The following DTL variants were observed in gnomAD, a reference collection of about 807,000 sequenced individuals.
DTL encodes denticleless protein homolog.
In DTL, 46 loss-of-function variants were observed where a neutral mutation model predicts 87.0. The observed-to-expected ratio is 0.53, with a 90% confidence interval of 0.42 to 0.68. The LOEUF (loss-of-function observed/expected upper bound fraction) is 0.68. Among genes scored for constraint, DTL ranks in the 30% least tolerant of loss-of-function variants. The probability of loss-of-function intolerance (pLI) is 0.00; values close to 1 mark genes in which losing one functional copy is unlikely to be tolerated. For synonymous variants in DTL, 308 were observed against 311.2 expected, an observed-to-expected ratio of 0.99 and a Z score of 0.11; for missense variants, 737 against 869.4, an observed-to-expected ratio of 0.85 and a Z score of 1.91.
intron 14 of DTL, among the ~76,000 whole-genome samples, chr1:212,101,893 G>C (rs1232805829): frequency 6.6e-6 from 1 of 152,228 alleles, no homozygotes; most frequent in African/African-American, 2.4e-5. Context: ...ATGGGCACCA[G>C]TCAGAGAGAA....
chr1:212,056,084 A>G (rs1668166414), intron 5 of DTL, among the ~76,000 whole-genome samples: 2 of 152,158 alleles, frequency 1.3e-5, no homozygotes, highest in African/African-American at 4.8e-5. Flanking sequence ...TGCTACTGTC[A>G]TCATCCACAC....
chr1:212,065,263 T>C lies in DTL; in HGVS notation c.639+234T>C, dbSNP rs1483939974. The stretch of plus-strand genomic sequence containing the variant: ...ATTAAAATATATGTAGCCTCGTTGA[T>C]AAATATCTTTAAATTTATTTTGGTT... On this transcript the variant is annotated intron_variant, in intron 7 of 14. Coordinates refer to ENST00000366991, the MANE Select transcript of DTL (RefSeq NM_016448.4). Among the ~76,000 whole-genome samples, 4 of 152,230 alleles carry C rather than the reference T, an allele frequency of 2.6e-5. 1 individual carries two copies. The highest frequency in any genetic ancestry group is 2.6e-4 in the Admixed American group (4 of 15,276).
chr1:212,037,137 C>A (rs1667499358), intron 1 of DTL, among the ~76,000 whole-genome samples: 1 of 152,124 alleles, frequency 6.6e-6, no homozygotes, highest in Non-Finnish European at 1.5e-5. Flanking sequence ...AGTTAAACTG[C>A]CTGGGTTTTA....
In DTL at chr1:212,043,001, T is replaced by G. The variant is rs1667701540; in HGVS notation, c.61T>G (p.Ser21Ala). Reference sequence around the variant, plus strand: ...GAATTATCTTGTTTTAGGATGGTCTTCACAATACCCTCTTCAATCCCTTCT... The same window carrying G: ...GAATTATCTTGTTTTAGGATGGTCTGCACAATACCCTCTTCAATCCCTTCT... Reference protein sequence around the residue: ...QLGVLRNGWSSQYPLQSLLTG... With the variant: ...QLGVLRNGWSAQYPLQSLLTG... The change falls in exon 2 of 15, where the codon TCA becomes GCA. Residue 21 changes from serine to alanine, a missense_variant. Ser to Ala is a moderately conservative substitution (Grantham distance 99, BLOSUM62 1). Coordinates refer to ENST00000366991, the MANE Select transcript of DTL (RefSeq NM_016448.4). 1 of 1,607,032 alleles carries G rather than the reference T, an allele frequency of 6.2e-7. No individual in the cohort carries two copies. Among genetic ancestry groups the G allele is most frequent in the African/African-American group, 1.3e-5 (1 of 74,744 alleles).
At chr1:212,094,616 T>C (rs991655463) in intron 13 of DTL, among the ~76,000 whole-genome samples, 12 of 152,208 alleles carry the variant, frequency 7.9e-5, no homozygotes, top group African/African-American at 2.9e-4. Context: ...CTTTTCAGAT[T>C]GTTTTTTCTA....
At position 212,103,033 on chromosome 1, in the gene DTL, T is replaced by TATAAC; in HGVS notation, c.*94_*98dup. The TATAAC allele has an allele frequency of 1.5e-6, 1 of 664,232 alleles. No individual in the cohort carries two copies. The allele number at this position is 664,232 out of a possible 1,614,324, so 41.1% of individuals were successfully genotyped here. On this transcript the variant is annotated 3_prime_UTR_variant, in exon 15 of 15. Coordinates refer to ENST00000366991, the MANE Select transcript of DTL (RefSeq NM_016448.4). ...AAGATGAAAAATACAAGAGTGACTCTATAACTCTGGTCTTTAAGAAAGCTG... is the reference window on the plus strand; with the variant it reads ...AAGATGAAAAATACAAGAGTGACTCTATAACATAACTCTGGTCTTTAAGAAAGCTG...
At position 212,055,361 on chromosome 1, in the gene DTL, C is replaced by T. The variant is rs182084736; in HGVS notation, c.461-7523C>T. On this transcript the variant is annotated intron_variant, in intron 5 of 14. Transcript: ENST00000366991. ...AACATAGGGAGCTGCCTGGAGACTT[C>T]ATGAAGGCATTGCTCCAGAGAGATA... 4.0e-3 allele frequency among the ~76,000 whole-genome samples: 613 copies of T among 152,238 alleles called. 13 individuals are homozygous for T. The highest frequency in any genetic ancestry group is 0.035 in the Admixed American group (536 of 15,298).
chr1:212,102,860 T>A lies in DTL; in HGVS notation c.2113T>A (p.Ser705Thr). The change falls in exon 15 of 15, where the codon TCC (serine) becomes ACC (threonine). Residue 705 changes from serine (S) to threonine (T), a missense_variant. Ser to Thr is a moderately conservative substitution (Grantham distance 58, BLOSUM62 1). Coordinates refer to ENST00000366991, the MANE Select transcript of DTL (RefSeq NM_016448.4). Reference sequence around the variant, plus strand: ...CTTCTAGGTCACCATCACGCCCAGCTCCATGAGGAAAATCTGCACATACTT... The same window carrying A: ...CTTCTAGGTCACCATCACGCCCAGCACCATGAGGAAAATCTGCACATACTT... ...LPSPVTITPS[S>T]MRKICTYFHR... 6.2e-7 allele frequency: 1 copy of A among 1,612,170 alleles called. No individual in the cohort carries two copies.
At chr1:212,096,950 C>T (rs1041032538) in intron 13 of DTL, among the ~76,000 whole-genome samples, 1 of 152,072 alleles carries the variant, frequency 6.6e-6, no homozygotes, top group African/African-American at 2.4e-5. Flanking sequence ...TTGAAGTCCC[C>T]CACTATGAGA....
intron 5 of DTL, among the ~76,000 whole-genome samples, chr1:212,058,958 A>G (rs982026029): frequency 6.6e-6 from 1 of 152,216 alleles, no homozygotes; most frequent in African/African-American, 2.4e-5. Context: ...TACAGGACAC[A>G]TGCAACCTAC....
intron 12 of DTL, 200 bp from the exon 13 acceptor site, chr1:212,080,415 G>A (rs1422697343): frequency 2.1e-6 from 1 of 483,190 alleles, no homozygotes; most frequent in African/African-American, 1.9e-5. Flanking sequence ...ATAAACTAAA[G>A]AGTCAGCTTT....
intron 1 of DTL, among the ~76,000 whole-genome samples, chr1:212,037,310 G>C (rs1667507870): frequency 6.6e-6 from 1 of 152,024 alleles, no homozygotes; most frequent in Non-Finnish European, 1.5e-5. Flanking sequence ...AAATTCATTC[G>C]TTATTATATG....
At position 212,100,855 on chromosome 1, in the gene DTL, C is replaced by G. The variant is rs550425709; in HGVS notation, c.1865C>G (p.Pro622Arg). 1 of 1,614,056 alleles carries G rather than the reference C, an allele frequency of 6.2e-7. No homozygotes were observed. Among genetic ancestry groups the G allele is most frequent in the African/African-American group, 1.3e-5 (1 of 74,916 alleles). Residue 622 changes from proline (P) to arginine (R), a missense_variant, in exon 14 of 15, where the codon CCG becomes CGG. Coordinates refer to ENST00000366991, the MANE Select transcript of DTL (RefSeq NM_016448.4). ...GCTGGTACCAGTATCTCAGAGCCTC[C>G]GTCTCCTATCAGTCCGTATGCTTCA... Reference protein sequence around the residue: ...EGAGTSISEPPSPISPYASES... With the variant: ...EGAGTSISEPRSPISPYASES...
intron 12 of DTL, among the ~76,000 whole-genome samples, chr1:212,079,761 A>C (rs577669617): frequency 1.3e-5 from 2 of 152,338 alleles, no homozygotes; most frequent in South Asian, 4.1e-4. Flanking sequence ...CAAACATTTC[A>C]TATTGAACAG....
At chr1:212,101,454 C>T (rs1355525740) in intron 14 of DTL, among the ~76,000 whole-genome samples, 2 of 152,154 alleles carry the variant, frequency 1.3e-5, no homozygotes, top group Admixed American at 1.3e-4. Flanking sequence ...AATATCTCCC[C>T]TCTCCTGTTA....
intron 14 of DTL, among the ~76,000 whole-genome samples, chr1:212,102,542 A>G (rs1295965415): frequency 6.6e-6 from 1 of 152,174 alleles, no homozygotes; most frequent in African/African-American, 2.4e-5. Context: ...TGATTTATTC[A>G]TTTATTTCAA....
chr1:212,063,948 A>G (rs1355992699), intron 6 of DTL, among the ~76,000 whole-genome samples: 3 of 147,862 alleles, frequency 2.0e-5, no homozygotes, highest in Non-Finnish European at 3.0e-5. Context: ...GCTGGAGTGC[A>G]GTGGCGTGAT....
At chr1:212,084,021 G>T (rs1249546852) in intron 13 of DTL, among the ~76,000 whole-genome samples, 1 of 152,066 alleles carries the variant, frequency 6.6e-6, no homozygotes, top group Non-Finnish European at 1.5e-5. Flanking sequence ...AAGGTTAATG[G>T]GGAATTGAAG....
At chr1:212,065,052 A>G (rs748685719) in intron 7 of DTL, 23 bp downstream of exon 7, 27 of 1,502,574 alleles carry the variant, frequency 1.8e-5, no homozygotes, top group Admixed American at 6.7e-5. Context: ...AGATGTATAC[A>G]TGTGTGCAGA....
Sources: allele counts gnomAD v4.1 joint callset (sites outside exome capture counted in the v4.1 genomes callset), GRCh38; gene constraint gnomAD v4.1.1; transcripts MANE v1.5; gene names NCBI Gene and HGNC (gene_info 2026-07-23, HGNC 2026-07-21).